SFMBT1: variants seen among roughly 807,000 people sequenced by gnomAD.
SFMBT1 encodes scm-like with four MBT domains protein 1.
SFMBT1 carries 32 observed loss-of-function variants against 108.7 expected under a neutral mutation model. That is an observed-to-expected ratio of 0.29 (90% CI 0.22 to 0.40). The LOEUF (loss-of-function observed/expected upper bound fraction) is 0.40. Among genes scored for constraint, SFMBT1 ranks in the 10% least tolerant of loss-of-function variants. The pLI is 1.00. For missense variants in SFMBT1, 816 were observed against 1,059.6 expected (o/e 0.77, Z 3.19); for synonymous variants, 348 against 369.5 (o/e 0.94, Z 0.67).
At chr3:52,907,529 T>G in intron 18 of SFMBT1, 26 bp downstream of exon 18, 1 of 1,602,572 alleles carries the variant, frequency 6.2e-7, no homozygotes, top group Non-Finnish European at 8.5e-7. Context: ...CTTCAAGACA[T>G]TACAGGCACA....
chr3:52,916,838 A>C (rs1702373498), intron 13 of SFMBT1, among the ~76,000 whole-genome samples: 2 of 152,200 alleles, frequency 1.3e-5, no homozygotes, highest in Admixed American at 1.3e-4. Flanking sequence ...TGGGCAAAAA[A>C]ATTACAAAAT....
chr3:53,012,348 A>T (rs897658946), intron 1 of SFMBT1, among the ~76,000 whole-genome samples: 4 of 152,138 alleles, frequency 2.6e-5, no homozygotes, highest in Non-Finnish European at 5.9e-5. Context: ...TGCGCAGCAA[A>T]TGGACAAGAT....
At position 52,934,944 on chromosome 3, in the gene SFMBT1, A is replaced by G. The variant is rs1402652625; in HGVS notation, c.365-43T>C. 3.2e-6 allele frequency: 5 copies of G among 1,548,432 alleles called. No homozygotes were observed. The South Asian group carries it at 5.7e-5, about 18-fold the overall frequency. ...TGACTGATTACTCAAAATGCCAGCC[A>G]CAGAATGCAGAGAAACCGAAATCAG... On this transcript the variant is annotated intron_variant, in intron 4 of 20. Coordinates refer to ENST00000394752, the MANE Select transcript of SFMBT1 (RefSeq NM_016329.4).
intron 2 of SFMBT1, among the ~76,000 whole-genome samples, chr3:52,958,640 G>A (rs999006407): frequency 2.0e-5 from 3 of 152,080 alleles, no homozygotes; most frequent in Admixed American, 6.6e-5. Context: ...ATGCTGTTGA[G>A]GCTGCAGAGA....
chr3:52,958,522 C>T (rs777655396), intron 2 of SFMBT1, among the ~76,000 whole-genome samples: 6 of 152,048 alleles, frequency 3.9e-5, no homozygotes, highest in Non-Finnish European at 5.9e-5. Flanking sequence ...ACCTGGGAGG[C>T]GGAGGTGGCA....
At chr3:52,995,454 A>C (rs2106903123) in intron 1 of SFMBT1, among the ~76,000 whole-genome samples, 1 of 150,412 alleles carries the variant, frequency 6.6e-6, no homozygotes, top group South Asian at 2.1e-4. Context: ...AATGGGCACG[A>C]TCACTGCTCA....
At chr3:52,989,993 A>C (rs1174052200) in intron 1 of SFMBT1, among the ~76,000 whole-genome samples, 1 of 152,180 alleles carries the variant, frequency 6.6e-6, no homozygotes, top group Non-Finnish European at 1.5e-5. Flanking sequence ...CTTCAAAGGG[A>C]AAAAATTTCC....
chr3:52,910,343 G>C (rs1702186162), intron 17 of SFMBT1, among the ~76,000 whole-genome samples: 1 of 152,172 alleles, frequency 6.6e-6, no homozygotes, highest in East Asian at 1.9e-4. Context: ...TTGTATGAAT[G>C]AATTACATAT....
At chr3:53,016,274 CACTT>C (rs1280855915) in intron 1 of SFMBT1, among the ~76,000 whole-genome samples, 1 of 152,134 alleles carries the variant, frequency 6.6e-6, no homozygotes, top group African/African-American at 2.4e-5. Flanking sequence ...GCTCTAATAA[CACTT>C]ACCATCATAG....
chr3:53,017,586 G>A (rs1175342743), intron 1 of SFMBT1, among the ~76,000 whole-genome samples: 1 of 152,140 alleles, frequency 6.6e-6, no homozygotes. Flanking sequence ...ACAGAAGAGT[G>A]ACAGGACTGC....
intron 1 of SFMBT1, among the ~76,000 whole-genome samples, chr3:52,980,571 G>A (rs1346126811): frequency 2.0e-5 from 3 of 151,198 alleles, no homozygotes; most frequent in African/African-American, 7.3e-5. Context: ...AAGCTGGATT[G>A]CTTGATATGT....
At chr3:52,943,671 C>T in intron 3 of SFMBT1, 78 bp from the exon 4 acceptor site, 1 of 1,575,944 alleles carries the variant, frequency 6.3e-7, no homozygotes, top group Non-Finnish European at 8.7e-7. Context: ...TTTTTTAAGA[C>T]TTACAATTCC....
chr3:52,944,958 C>G (rs1302611188), intron 3 of SFMBT1, among the ~76,000 whole-genome samples: 3 of 151,412 alleles, frequency 2.0e-5, no homozygotes, highest in Non-Finnish European at 4.4e-5. Flanking sequence ...TGTGCGCCAC[C>G]ATGCCTTGTT....
At chr3:53,017,358 A>G (rs1394976192) in intron 1 of SFMBT1, among the ~76,000 whole-genome samples, 1 of 152,158 alleles carries the variant, frequency 6.6e-6, no homozygotes, top group Non-Finnish European at 1.5e-5. Context: ...AGTGACACTT[A>G]TTTTTTATTT....
chr3:53,039,022 A>C (rs1452145677), intron 1 of SFMBT1, among the ~76,000 whole-genome samples: 1 of 152,126 alleles, frequency 6.6e-6, no homozygotes, highest in Non-Finnish European at 1.5e-5. Flanking sequence ...CTTACTCCTT[A>C]CTCAATGTTA....
chr3:53,022,499 AAAAC>A (rs200610329), intron 1 of SFMBT1, among the ~76,000 whole-genome samples: 5 of 151,834 alleles, frequency 3.3e-5, no homozygotes, highest in Admixed American at 6.6e-5. Context: ...GTTTCTATAA[AAAAC>A]AAACAAACAA....
At chr3:52,958,289 T>G (rs1248118782) in intron 2 of SFMBT1, among the ~76,000 whole-genome samples, 3 of 152,088 alleles carry the variant, frequency 2.0e-5, no homozygotes, top group Non-Finnish European at 4.4e-5. Flanking sequence ...GAATGATGAT[T>G]ATTAAAAAGC....
chr3:53,015,450 GA>G (rs1189242997), intron 1 of SFMBT1, among the ~76,000 whole-genome samples: 1 of 152,078 alleles, frequency 6.6e-6, no homozygotes, highest in African/African-American at 2.4e-5. Context: ...CAAGAGAAAT[GA>G]AAACAAATGT....
intron 1 of SFMBT1, among the ~76,000 whole-genome samples, chr3:52,980,924 A>C (rs1440136034): frequency 1.3e-5 from 2 of 152,220 alleles, no homozygotes; most frequent in Admixed American, 1.3e-4. Flanking sequence ...GCACTTTGGG[A>C]GGCCGAGGCG....
Sources: gnomAD v4.1 joint callset for allele counts (sites outside exome capture counted in the v4.1 genomes callset) on GRCh38, gnomAD v4.1.1 for gene constraint, MANE v1.5 for transcripts, NCBI Gene and HGNC (gene_info 2026-07-23, HGNC 2026-07-21) for gene names.